Variants in ERG observed in about 807,000 individuals in gnomAD.
The protein encoded by ERG is transcriptional regulator ERG.
In ERG, 9 loss-of-function variants were observed where a neutral mutation model predicts 55.3. The ratio of observed to expected loss-of-function variants is 0.16; its 90% CI spans 0.10 to 0.28. The LOEUF (loss-of-function observed/expected upper bound fraction) is 0.28, where lower values mean the gene tolerates loss of function less well. ERG is among the 10% of genes least tolerant of loss of function. ERG has a pLI of 1.00. For synonymous variants in ERG, 223 were observed against 237.3 expected (o/e 0.94, Z 0.55); for missense variants, 434 against 631.6 (o/e 0.69, Z 3.35).
At chr21:38,551,583 T>G (rs749672867) in intron 2 of ERG, among the ~76,000 whole-genome samples, 7 of 152,234 alleles carry the variant, frequency 4.6e-5, no homozygotes, top group Non-Finnish European at 1.0e-4. Flanking sequence ...ATTTATTGAT[T>G]TCTGTCTTAG....
intron 2 of ERG, among the ~76,000 whole-genome samples, chr21:38,512,949 G>A (rs977704707): frequency 6.6e-6 from 1 of 151,986 alleles, no homozygotes; most frequent in Non-Finnish European, 1.5e-5. Context: ...TGGGCAACAT[G>A]GTGAAACCCT....
rs181116167 is a variant in ERG, at chr21:38,406,656, T to C, written c.389-2947A>G. Among the ~76,000 whole-genome samples, 18 of 152,206 alleles carry C rather than the reference T, an allele frequency of 1.2e-4. No individual in the cohort carries two copies. The East Asian group carries it at 2.9e-3, about 24-fold the overall frequency. On this transcript the variant is annotated intron_variant, in intron 3 of 9. Transcript: ENST00000288319. The stretch of plus-strand genomic sequence containing the variant: ...TTTGCTTTTAACAAAATGGGAGGAC[T>C]ATTTTTTTTTTAATGTAACAACTGT...
chr21:38,492,353 A>G (rs1322401952), intron 1 of ERG, among the ~76,000 whole-genome samples: 1 of 152,190 alleles, frequency 6.6e-6, no homozygotes, highest in Non-Finnish European at 1.5e-5. Context: ...CATTTTTTAT[A>G]CTTTCTTAAA....
At chr21:38,636,415 C>T (rs2060389090) in intron 1 of ERG, among the ~76,000 whole-genome samples, 1 of 152,124 alleles carries the variant, frequency 6.6e-6, no homozygotes, top group Non-Finnish European at 1.5e-5. Flanking sequence ...CCGGCTCCCA[C>T]CAAAAGAGTT....
At chr21:38,562,222 CAT>C (rs1168195187) in intron 2 of ERG, among the ~76,000 whole-genome samples, 1 of 151,858 alleles carries the variant, frequency 6.6e-6, no homozygotes, top group Non-Finnish European at 1.5e-5. Context: ...TATATATACA[CAT>C]GCATACATAC....
At chr21:38,567,151 T>C (rs2059928403) in intron 2 of ERG, among the ~76,000 whole-genome samples, 1 of 152,046 alleles carries the variant, frequency 6.6e-6, no homozygotes, top group South Asian at 2.1e-4. Flanking sequence ...CTGAACACCG[T>C]TCCAAAGGCT....
At chr21:38,506,614 A>G (rs1421553695) in intron 2 of ERG, among the ~76,000 whole-genome samples, 1 of 152,204 alleles carries the variant, frequency 6.6e-6, no homozygotes, top group Non-Finnish European at 1.5e-5. Flanking sequence ...AACATTATGC[A>G]CTTAAGCAAA....
intron 2 of ERG, among the ~76,000 whole-genome samples, chr21:38,509,967 T>C (rs1169917110): frequency 6.6e-6 from 1 of 152,124 alleles, no homozygotes; most frequent in Non-Finnish European, 1.5e-5. Context: ...TTGACTCTAA[T>C]GAGAGCCATC....
chr21:38,397,471 G>A (rs1337829278), intron 6 of ERG, among the ~76,000 whole-genome samples: 1 of 151,936 alleles, frequency 6.6e-6, no homozygotes, highest in East Asian at 1.9e-4. Context: ...GATGGCATGC[G>A]CCTGTAGCCC....
At position 38,498,414 on chromosome 21, in the gene ERG, T is replaced by C; in HGVS notation, c.-34A>G. 2 of 1,598,698 alleles carry C rather than the reference T, an allele frequency of 1.3e-6. No individual in the cohort carries two copies. The highest frequency in any genetic ancestry group is 1.7e-6 in the Non-Finnish European group (2 of 1,171,278). On this transcript the variant is annotated 5_prime_UTR_variant, in exon 1 of 10. Transcript: ENST00000288319. This position sits in a 1 kb window ranked among gnomAD's most constrained non-coding sequence, Gnocchi z 4.6. ...CAAGTTTATTGATCGTTAATAAATG[T>C]TAATAATAATTATTGCTTCTCTCTG...
At chr21:38,442,128 G>C (rs576281826) in intron 2 of ERG, among the ~76,000 whole-genome samples, 1 of 152,202 alleles carries the variant, frequency 6.6e-6, no homozygotes, top group Admixed American at 6.5e-5. Context: ...TGTCAAGGCC[G>C]GGCGCGGTGG....
Position 38,383,228 on chromosome 21 carries a change from A to T in ERG, c.*175T>A. On this transcript the variant is annotated 3_prime_UTR_variant, in exon 10 of 10. Coordinates refer to ENST00000288319, the MANE Select transcript of ERG (RefSeq NM_182918.4). This position sits in a 1 kb window ranked among gnomAD's most constrained non-coding sequence, Gnocchi z 5.7. ...TTAGCATCCTCCTCATTTCTGTAGT[A>T]AGACTTCAGTAACTCCCTCCCAAGA... is the stretch of plus-strand genomic sequence containing the variant. 7.7e-7 allele frequency: 1 copy of T among 1,303,886 alleles called. No homozygotes were observed. Among genetic ancestry groups the T allele is most frequent in the Non-Finnish European group, 9.7e-7 (1 of 1,027,914 alleles). 80.8% of individuals were successfully genotyped at this position (1,303,886 alleles called of 1,614,324 possible).
At chr21:38,427,263 C>T (rs1289314310) in intron 2 of ERG, among the ~76,000 whole-genome samples, 3 of 151,488 alleles carry the variant, frequency 2.0e-5, no homozygotes, top group African/African-American at 7.3e-5. Flanking sequence ...TTAGTAGAGA[C>T]GGGGTTTCAC....
Position 38,423,449 on chromosome 21 carries a change from T to C in ERG, c.349A>G (p.Asn117Asp). The C allele has an allele frequency of 1.1e-5, 17 of 1,613,998 alleles. No individual in the cohort carries two copies. Among genetic ancestry groups the C allele is most frequent in the Non-Finnish European group, 1.4e-5 (17 of 1,179,962 alleles). ...ACTCTGCGCTCGTTCGTGGTCATGT[T>C]TGGGGGTGGCATGTGCTTCTCCTCC... is the stretch of plus-strand genomic sequence containing the variant. The part of the protein sequence containing the change: ...YMEEKHMPPP[N>D]MTTNERRVIV... Residue 117 changes from asparagine (N) to aspartate (D), a missense_variant, in exon 3 of 10, where the codon AAC becomes GAC. By Grantham distance (23) the Asn-to-Asp change is conservative. Around this residue, in one of 5 missense-constraint regions of ERG, gnomAD observed 212 missense variants for 262.9 expected, o/e 0.81. Coordinates refer to ENST00000288319, the MANE Select transcript of ERG (RefSeq NM_182918.4).
intron 3 of ERG, among the ~76,000 whole-genome samples, chr21:38,416,880 G>T (rs1044225692): frequency 6.6e-6 from 1 of 152,240 alleles, no homozygotes; most frequent in Non-Finnish European, 1.5e-5. Context: ...TGAAAATGCA[G>T]CGCGTGAGTT....
At chr21:38,448,480 C>T (rs915687663) in intron 1 of ERG, among the ~76,000 whole-genome samples, 4 of 152,124 alleles carry the variant, frequency 2.6e-5, no homozygotes, top group African/African-American at 4.8e-5. Flanking sequence ...CAGAGCAACC[C>T]AAACTATGCC....
chr21:38,400,314 A>G (rs1340362157), intron 6 of ERG: 1 of 587,752 alleles, frequency 1.7e-6, no homozygotes, highest in Admixed American at 2.2e-5. Flanking sequence ...CCAGGCATCC[A>G]GGATGCCTTC....
chr21:38,513,192 T>C (rs1249170054), intron 2 of ERG, among the ~76,000 whole-genome samples: 5 of 152,044 alleles, frequency 3.3e-5, no homozygotes, highest in African/African-American at 1.2e-4. Flanking sequence ...AATATATTAA[T>C]ATAGCTACAA....
intron 1 of ERG, among the ~76,000 whole-genome samples, chr21:38,644,588 C>T (rs1005235952): frequency 1.3e-5 from 2 of 152,070 alleles, no homozygotes; most frequent in Non-Finnish European, 2.9e-5. Flanking sequence ...AGGGGTCTTC[C>T]CTGGATTCCT....
Sources: gnomAD v4.1 joint callset for allele counts (sites outside exome capture counted in the v4.1 genomes callset) on GRCh38, gnomAD v4.1.1 for gene constraint, gnomAD v4.1.1 regional missense constraint, Gnocchi (gnomAD v3.1) non-coding constraint, MANE v1.5 for transcripts, NCBI Gene and HGNC (gene_info 2026-07-23, HGNC 2026-07-21) for gene names.